RCAN1: variants seen among roughly 807,000 people sequenced by gnomAD.
RCAN1 encodes calcipressin-1.
RCAN1 carries 11 observed loss-of-function variants against 22.9 expected under a neutral mutation model. The ratio of observed to expected loss-of-function variants is 0.48; its 90% CI spans 0.30 to 0.79. The LOEUF (loss-of-function observed/expected upper bound fraction) is 0.79, where lower values mean the gene tolerates loss of function less well. Ranked by LOEUF, RCAN1 falls within the 30% of genes least tolerant of loss-of-function variation. The probability of loss-of-function intolerance (pLI) is 0.06; values close to 1 mark genes in which losing one functional copy is unlikely to be tolerated. For missense variants in RCAN1, 291 were observed against 337.8 expected (o/e 0.86, Z 1.09); for synonymous variants, 136 against 142.3 (o/e 0.96, Z 0.32).
At chr21:34,572,003 T>C (rs1262369406) in intron 1 of RCAN1, among the ~76,000 whole-genome samples, 5 of 152,214 alleles carry the variant, frequency 3.3e-5, no homozygotes, top group African/African-American at 4.8e-5. Context: ...GATCATCCTA[T>C]TTCAAGAAGA....
At chr21:34,550,957 A>C (rs1168374983) in intron 1 of RCAN1, among the ~76,000 whole-genome samples, 1 of 152,224 alleles carries the variant, frequency 6.6e-6, no homozygotes, top group Non-Finnish European at 1.5e-5. Context: ...CTATCAACTA[A>C]TACCAAGCTG....
At chr21:34,610,420 AC>A (rs369686428) in intron 1 of RCAN1, among the ~76,000 whole-genome samples, 141 of 151,900 alleles carry the variant, frequency 9.3e-4, no homozygotes, top group Non-Finnish European at 1.8e-3. Context: ...GGCACCAGTG[AC>A]CCCGCCTGTA....
intron 1 of RCAN1, among the ~76,000 whole-genome samples, chr21:34,599,784 T>C (rs1988275263): frequency 6.6e-6 from 1 of 152,136 alleles, no homozygotes; most frequent in Non-Finnish European, 1.5e-5. Flanking sequence ...CATAAAAAAA[T>C]CATCTAACGA....
At chr21:34,525,264 C>A in intron 1 of RCAN1, 3 of 1,550,594 alleles carry the variant, frequency 1.9e-6, no homozygotes, top group Non-Finnish European at 2.6e-6. Flanking sequence ...CCAGGCAGGT[C>A]GTTAAGGAGC....
intron 1 of RCAN1, among the ~76,000 whole-genome samples, chr21:34,596,974 G>A (rs2300389): frequency 0.036 from 5,492 of 152,256 alleles, 158 homozygotes; most frequent in East Asian, 0.13. Flanking sequence ...AGTAAAGAAG[G>A]GGTTGGACAG....
chr21:34,574,048 G>T (rs1000051504), intron 1 of RCAN1, among the ~76,000 whole-genome samples: 1 of 152,198 alleles, frequency 6.6e-6, no homozygotes, highest in African/African-American at 2.4e-5. Flanking sequence ...AGGTTCTAAA[G>T]AAGATGAATT....
At chr21:34,568,115 C>T (rs1987097534) in intron 1 of RCAN1, among the ~76,000 whole-genome samples, 1 of 152,194 alleles carries the variant, frequency 6.6e-6, no homozygotes, top group African/African-American at 2.4e-5. Flanking sequence ...TCATAGCATG[C>T]CATGGTCCCT....
At chr21:34,521,995 G>C (rs1275167499) in intron 2 of RCAN1, 1 of 222,494 alleles carries the variant, frequency 4.5e-6, no homozygotes, top group African/African-American at 2.3e-5. Flanking sequence ...TTGAGGTCAG[G>C]AGGGCTCTTG....
chr21:34,549,763 G>T (rs1312830720), intron 1 of RCAN1, among the ~76,000 whole-genome samples: 1 of 152,174 alleles, frequency 6.6e-6, no homozygotes, highest in Admixed American at 6.5e-5. Flanking sequence ...TAAGGGGGAA[G>T]TGGTTTGCCA....
At chr21:34,527,377 T>G (rs1985130801) in intron 1 of RCAN1, among the ~76,000 whole-genome samples, 1 of 152,216 alleles carries the variant, frequency 6.6e-6, no homozygotes. Flanking sequence ...AAATCTGTCT[T>G]GGTCAATAAA....
At chr21:34,598,040 T>A (rs1432320141) in intron 1 of RCAN1, among the ~76,000 whole-genome samples, 1 of 152,220 alleles carries the variant, frequency 6.6e-6, no homozygotes, top group African/African-American at 2.4e-5. Context: ...AGAGAAAAGA[T>A]GGCTTACATA....
intron 1 of RCAN1, among the ~76,000 whole-genome samples, chr21:34,588,022 A>T (rs1356442366): frequency 3.9e-5 from 6 of 152,200 alleles, no homozygotes; most frequent in Admixed American, 3.9e-4. Flanking sequence ...CTGGGTCTCC[A>T]GCCTGTCAAC....
chr21:34,523,844 G>GC, intron 1 of RCAN1, 134 bp from the exon 2 acceptor site: 1 of 650,978 alleles, frequency 1.5e-6, no homozygotes, highest in South Asian at 2.1e-5. Flanking sequence ...GTGCAGTGGT[G>GC]CAGTTTTGGC....
At chr21:34,610,019 C>T (rs569694906) in intron 1 of RCAN1, among the ~76,000 whole-genome samples, 2 of 152,112 alleles carry the variant, frequency 1.3e-5, no homozygotes, top group Non-Finnish European at 2.9e-5. Context: ...TCTGAGAAAC[C>T]GCATGCCTCA....
intron 1 of RCAN1, among the ~76,000 whole-genome samples, chr21:34,544,358 G>T (rs1156653741): frequency 6.6e-6 from 1 of 152,210 alleles, no homozygotes; most frequent in African/African-American, 2.4e-5. Context: ...ATGTGGCAAG[G>T]ACTGAGAGTG....
chr21:34,599,619 C>T (rs1252542534), intron 1 of RCAN1, among the ~76,000 whole-genome samples: 1 of 151,608 alleles, frequency 6.6e-6, no homozygotes, highest in Non-Finnish European at 1.5e-5. Flanking sequence ...CCAAACACAC[C>T]ACATATGTTT....
chr21:34,527,371 C>A (rs1029122941), intron 1 of RCAN1, among the ~76,000 whole-genome samples: 2 of 152,148 alleles, frequency 1.3e-5, no homozygotes, highest in African/African-American at 4.8e-5. Flanking sequence ...ATTTTGAAAT[C>A]TGTCTTGGTC....
At chr21:34,584,522 T>C (rs888677852) in intron 1 of RCAN1, among the ~76,000 whole-genome samples, 2 of 152,246 alleles carry the variant, frequency 1.3e-5, no homozygotes, top group African/African-American at 4.8e-5. Context: ...TTTCTCTTAC[T>C]GACCACTCTT....
At chr21:34,603,338 T>C (rs1038483773) in intron 1 of RCAN1, among the ~76,000 whole-genome samples, 11 of 115,960 alleles carry the variant, frequency 9.5e-5, no homozygotes, top group African/African-American at 3.2e-4. Flanking sequence ...GGGACAGCCT[T>C]CCCTGGCAAT....
Sources: gnomAD v4.1 joint callset for allele counts (sites outside exome capture counted in the v4.1 genomes callset) on GRCh38, gnomAD v4.1.1 for gene constraint, MANE v1.5 for transcripts, NCBI Gene and HGNC (gene_info 2026-07-23, HGNC 2026-07-21) for gene names.